AP1M1: variants seen among roughly 807,000 people sequenced by gnomAD.
AP1M1 encodes the protein adaptor related protein complex 1 subunit mu 1, also known as AP-1 complex subunit mu-1.
AP1M1 carries 18 observed loss-of-function variants against 57.1 expected under a neutral mutation model. That is an observed-to-expected ratio of 0.32 (90% confidence interval 0.22 to 0.47). The LOEUF is 0.47. Ranked by LOEUF, AP1M1 falls within the 20% of genes least tolerant of loss-of-function variation. The probability of loss-of-function intolerance (pLI) is 1.00; values close to 1 mark genes in which losing one functional copy is unlikely to be tolerated. For synonymous variants in AP1M1, 241 were observed against 237.9 expected (o/e 1.01, Z -0.12); for missense variants, 362 against 593.5 (o/e 0.61, Z 4.05).
chr19:16,213,416 TG>T (rs2091503674), intron 5 of AP1M1, among the ~76,000 whole-genome samples: 1 of 152,244 alleles, frequency 6.6e-6, no homozygotes, highest in Admixed American at 6.5e-5. Flanking sequence ...ACTCTGCTTT[TG>T]TCTGTTTTCT....
chr19:16,226,489 G>A lies in AP1M1; in HGVS notation c.615G>A (p.Ser205=), dbSNP rs149921079. The A allele has an allele frequency of 4.2e-5, 66 of 1,586,264 alleles. No individual in the cohort carries two copies. Among genetic ancestry groups the A allele is most frequent in the African/African-American group, 1.2e-4 (9 of 74,756 alleles). ...VGSIKMRVFL[S]GMPELRLGLN... ...CCATCAAGATGCGAGTCTTCCTCTC[G>A]GGCATGCCCGAGCTGCGCCTGGGCC... The change falls in exon 6 of 12, where the codon TCG becomes TCA. Residue 205 remains serine (S), a synonymous_variant. Coordinates refer to ENST00000291439, the MANE Select transcript of AP1M1 (RefSeq NM_032493.4).
rs559449284 is a variant in AP1M1, at chr19:16,206,018, A to G, written c.200-323A>G. 7.2e-5 allele frequency among the ~76,000 whole-genome samples: 11 copies of G among 152,180 alleles called. No individual in the cohort carries two copies. The highest frequency in any genetic ancestry group is 1.0e-4 in the Non-Finnish European group (7 of 67,980). Reference sequence around the variant, plus strand: ...GTGTGTCCTGCTTTCTGCTCCTGGAATGAGCCTCACTCCCTCCCTGCTCAA... The same window carrying G: ...GTGTGTCCTGCTTTCTGCTCCTGGAGTGAGCCTCACTCCCTCCCTGCTCAA... On this transcript the variant is annotated intron_variant, in intron 2 of 11. Transcript: ENST00000291439. The surrounding 1 kb of genome is among the most constrained non-coding windows in gnomAD (Gnocchi z 4.3).
At chr19:16,200,277 C>T (rs777348187) in intron 1 of AP1M1, among the ~76,000 whole-genome samples, 6 of 152,158 alleles carry the variant, frequency 3.9e-5, no homozygotes, top group Non-Finnish European at 8.8e-5. Flanking sequence ...TTATGAAAGG[C>T]TCCCTGAAGA....
intron 5 of AP1M1, among the ~76,000 whole-genome samples, chr19:16,223,980 C>T (rs564253406): frequency 2.0e-4 from 30 of 152,330 alleles, no homozygotes; most frequent in East Asian, 7.7e-4. Flanking sequence ...CCGTTTCTGA[C>T]GGCCACTGGC....
chr19:16,238,383 A>C lies in AP1M1; in HGVS notation c.*3948A>C, dbSNP rs1335062431. The C allele has an allele frequency of 6.6e-6, 1 of 152,254 alleles. No homozygotes were observed. The highest frequency in any genetic ancestry group is 1.5e-5 in the Non-Finnish European group (1 of 68,040). The allele number at this position is 152,254 out of a possible 1,614,324, so 9.4% of individuals were successfully genotyped here. Reference sequence around the variant, plus strand: ...CTTCAATAGGAAAAGGGACCACTGTAGTCCATTCATGCAAGAGATTACAGC... The same window carrying C: ...CTTCAATAGGAAAAGGGACCACTGTCGTCCATTCATGCAAGAGATTACAGC... On this transcript the variant is annotated 3_prime_UTR_variant, in exon 12 of 12. Transcript: ENST00000291439.
Position 16,227,479 on chromosome 19 carries a change from T to C in AP1M1, c.674-69T>C. ...CTGCTCTGCCGGGGTGGGTTGCAGGTGGTAGGAGTACTGCTGAGATAGTGA... is the reference window on the plus strand; with the variant it reads ...CTGCTCTGCCGGGGTGGGTTGCAGGCGGTAGGAGTACTGCTGAGATAGTGA... On this transcript the variant is annotated intron_variant, in intron 6 of 11. Transcript: ENST00000291439. The surrounding 1 kb of genome is among the most constrained non-coding windows in gnomAD (Gnocchi z 6.2). The C allele has an allele frequency of 6.4e-7, 1 of 1,562,514 alleles. No homozygotes were observed. The highest frequency in any genetic ancestry group is 8.8e-7 in the Non-Finnish European group (1 of 1,141,620).
intron 6 of AP1M1, among the ~76,000 whole-genome samples, chr19:16,226,938 C>T (rs938301769): frequency 4.6e-5 from 7 of 152,172 alleles, no homozygotes; most frequent in African/African-American, 1.4e-4. Flanking sequence ...TCGCTCCCGC[C>T]GCCTGGCCTC....
At chr19:16,200,806 C>T (rs1283162368) in intron 1 of AP1M1, among the ~76,000 whole-genome samples, 1 of 152,250 alleles carries the variant, frequency 6.6e-6, no homozygotes, top group Admixed American at 6.5e-5. Context: ...GGAGGCTGCG[C>T]TCTGGGGGGT....
chr19:16,226,586 C>T (rs1330607313), intron 6 of AP1M1, 39 bp downstream of exon 6: 3 of 1,549,174 alleles, frequency 1.9e-6, no homozygotes, highest in South Asian at 2.3e-5. Context: ...ATGAGGATGG[C>T]CTCACCAGGC....
Position 16,228,313 on chromosome 19 carries a change from C to T in AP1M1, c.888+105C>T, listed in dbSNP as rs1264582767. On this transcript the variant is annotated intron_variant, in intron 8 of 11. Transcript: ENST00000291439. The surrounding 1 kb of genome is among the most constrained non-coding windows in gnomAD (Gnocchi z 5.0). ...GCCGTAGGGCTGCCATCCGTGCACC[C>T]TCACTGTGGCCTCAGATGCAGGAGT... 7 of 1,167,996 alleles carry T rather than the reference C, an allele frequency of 6.0e-6. No individual in the cohort carries two copies. Among genetic ancestry groups the T allele is most frequent in the Middle Eastern group, 1.9e-4 (1 of 5,234 alleles). The allele number at this position is 1,167,996 out of a possible 1,614,324, so 72.4% of individuals were successfully genotyped here.
intron 5 of AP1M1, among the ~76,000 whole-genome samples, chr19:16,215,197 GGGC>G (rs2091512759): frequency 3.7e-5 from 1 of 27,354 alleles, no homozygotes; most frequent in Non-Finnish European, 1.4e-4. Flanking sequence ...GCTAAGGCGG[GGGC>G]GGGGGGGGGG....
Position 16,227,726 on chromosome 19 carries a change from A to G in AP1M1, c.816+36A>G. The G allele has an allele frequency of 1.9e-6, 3 of 1,596,084 alleles. No individual in the cohort carries two copies. The highest frequency in any genetic ancestry group is 2.6e-6 in the Non-Finnish European group (3 of 1,168,826). On this transcript the variant is annotated intron_variant, in intron 7 of 11. Transcript: ENST00000291439. The surrounding 1 kb of genome is among the most constrained non-coding windows in gnomAD (Gnocchi z 6.2). Reference sequence around the variant, plus strand: ...CACCCTGGGGCTGGGCTGTCGGCAGACTCCTCCTCCCCTTCACCTCCAGGA... The same window carrying G: ...CACCCTGGGGCTGGGCTGTCGGCAGGCTCCTCCTCCCCTTCACCTCCAGGA...
intron 2 of AP1M1, among the ~76,000 whole-genome samples, chr19:16,205,430 A>G (rs748100349): frequency 1.2e-4 from 19 of 152,186 alleles, no homozygotes; most frequent in Non-Finnish European, 2.4e-4. Flanking sequence ...GGGAGGGCAC[A>G]TTGCCAGGCA....
At chr19:16,218,671 C>G (rs1244946660) in intron 5 of AP1M1, among the ~76,000 whole-genome samples, 1 of 152,174 alleles carries the variant, frequency 6.6e-6, no homozygotes, top group African/African-American at 2.4e-5. Flanking sequence ...CTGGCTGCGT[C>G]TAGTTGGCCA....
At chr19:16,208,790 C>G (rs2091480809) in intron 4 of AP1M1, 1 of 460,264 alleles carries the variant, frequency 2.2e-6, no homozygotes, top group Non-Finnish European at 3.9e-6. Flanking sequence ...AAAATGAGCA[C>G]TTCAGCCTCT....
chr19:16,206,240 G>T lies in AP1M1; in HGVS notation c.200-101G>T. On this transcript the variant is annotated intron_variant, in intron 2 of 11. Coordinates refer to ENST00000291439, the MANE Select transcript of AP1M1 (RefSeq NM_032493.4). This position sits in a 1 kb window ranked among gnomAD's most constrained non-coding sequence, Gnocchi z 4.3. ...ACGGCTGGGAGTGGGGATAGGGAAG[G>T]CTCTGAGGGTTGTGAGGGTTAGGGG... 1 of 1,206,796 alleles carries T rather than the reference G, an allele frequency of 8.3e-7. No individual in the cohort carries two copies. The allele number at this position is 1,206,796 out of a possible 1,614,324, so 74.8% of individuals were successfully genotyped here. A position where few individuals can be genotyped will look rare whatever the true frequency, so the allele number is the denominator to read the frequency against.
chr19:16,209,510 TTA>T (rs1390754677), intron 5 of AP1M1, among the ~76,000 whole-genome samples: 5 of 152,202 alleles, frequency 3.3e-5, no homozygotes, highest in Non-Finnish European at 5.9e-5. Context: ...CTTGTTTTCT[TTA>T]TTAGCATTTA....
rs117911094 is a variant in AP1M1, at chr19:16,220,372, C to G, written c.547-6049C>G. On this transcript the variant is annotated intron_variant, in intron 5 of 11. Transcript: ENST00000291439. Reference sequence around the variant, plus strand: ...GACTGCAGCCGTGTGCCACCATGCCCGGCTTTTGGGGTTTTTTTGTTTTTT... The same window carrying G: ...GACTGCAGCCGTGTGCCACCATGCCGGGCTTTTGGGGTTTTTTTGTTTTTT... Among the ~76,000 whole-genome samples, 4 of 151,846 alleles carry G rather than the reference C, an allele frequency of 2.6e-5. No homozygotes were observed. In the South Asian group the frequency reaches 6.3e-4, roughly 24 times the overall value.
In AP1M1 at chr19:16,225,232, C is replaced by T. The variant is rs556135031; in HGVS notation, c.547-1189C>T. ...TACCCAGTGCTTTTTGGACATCATG[C>T]ATAAGACTGCACAGACTCTCCTGCC... On this transcript the variant is annotated intron_variant, in intron 5 of 11. Coordinates refer to ENST00000291439, the MANE Select transcript of AP1M1 (RefSeq NM_032493.4). 3.9e-5 allele frequency among the ~76,000 whole-genome samples: 6 copies of T among 152,342 alleles called. No homozygotes were observed. In the South Asian group the frequency reaches 1.2e-3, roughly 32 times the overall value.
Sources: gnomAD v4.1 joint callset for allele counts (sites outside exome capture counted in the v4.1 genomes callset) on GRCh38, gnomAD v4.1.1 for gene constraint, Gnocchi (gnomAD v3.1) non-coding constraint, MANE v1.5 for transcripts, NCBI Gene and HGNC (gene_info 2026-07-23, HGNC 2026-07-21) for gene names.